PPARGC1A: variants seen among roughly 807,000 people sequenced by gnomAD.
PPARGC1A encodes the protein PPARG coactivator 1 alpha.
In PPARGC1A, 25 loss-of-function variants were observed where a neutral mutation model predicts 88.7. The observed-to-expected ratio is 0.28, with a 90% confidence interval of 0.21 to 0.39. The LOEUF is 0.39. PPARGC1A is among the 10% of genes least tolerant of loss of function. The pLI is 1.00. For missense variants in PPARGC1A, 880 were observed against 968.7 expected, an observed-to-expected ratio of 0.91 and a Z score of 1.22; for synonymous variants, 363 against 355.6, an observed-to-expected ratio of 1.02 and a Z score of -0.24.
chr4:23,894,802 TAAG>T (rs913587626), upstream of PPARGC1A, among the ~76,000 whole-genome samples: 1 of 152,164 alleles, frequency 6.6e-6, no homozygotes, highest in African/African-American at 2.4e-5. Context: ...AGCACAGAGA[TAAG>T]AGATAATAAA....
the PPARGC1A span, among the ~76,000 whole-genome samples, chr4:24,456,067 C>T: frequency 6.6e-6 from 1 of 152,016 alleles, no homozygotes; most frequent in Non-Finnish European, 1.5e-5. Context: ...AGGTATAGTA[C>T]CCAGCATTAG....
At chr4:24,050,241 G>A in the PPARGC1A span, among the ~76,000 whole-genome samples, 138 of 131,678 alleles carry the variant, frequency 1.0e-3, 5 homozygotes, top group East Asian at 0.03. Context: ...TGTCGCCCAG[G>A]CTGGAGTACT....
chr4:24,079,846 C>T, the PPARGC1A span, among the ~76,000 whole-genome samples: 2,664 of 152,092 alleles, frequency 0.018, 28 homozygotes, highest in Non-Finnish European at 0.029. Context: ...TAATTTTGAA[C>T]ACATTTTAAG....
the PPARGC1A span, among the ~76,000 whole-genome samples, chr4:24,387,688 G>A: frequency 1.8e-3 from 276 of 150,338 alleles, 3 homozygotes; most frequent in African/African-American, 6.2e-3. Flanking sequence ...AGTGAGCTGA[G>A]ATCATGCCAC....
At chr4:24,350,065 C>A in the PPARGC1A span, among the ~76,000 whole-genome samples, 13 of 152,342 alleles carry the variant, frequency 8.5e-5, 1 homozygote, top group East Asian at 2.3e-3. Flanking sequence ...AGCAAACAGA[C>A]CTTCAGCTTC....
At chr4:23,845,072 G>C (rs1343068432) in intron 2 of PPARGC1A, among the ~76,000 whole-genome samples, 5 of 151,370 alleles carry the variant, frequency 3.3e-5, no homozygotes, top group African/African-American at 1.2e-4. Context: ...GGAGGGGGGT[G>C]ATAGGCAAAA....
the PPARGC1A span, among the ~76,000 whole-genome samples, chr4:24,430,955 T>TA: frequency 1.4e-4 from 21 of 149,586 alleles, no homozygotes; most frequent in South Asian, 6.3e-4. Flanking sequence ...CTTTCTCTAC[T>TA]AAAAAAAAAT....
the PPARGC1A span, among the ~76,000 whole-genome samples, chr4:23,949,438 T>G: frequency 1.3e-5 from 2 of 151,988 alleles, no homozygotes; most frequent in Admixed American, 1.3e-4. Flanking sequence ...TTCAGCAACA[T>G]CCCCCATATG....
the PPARGC1A span, among the ~76,000 whole-genome samples, chr4:24,371,332 A>T: frequency 6.6e-6 from 1 of 152,206 alleles, no homozygotes; most frequent in African/African-American, 2.4e-5. Flanking sequence ...CATGAAATAC[A>T]CAGACCCTCT....
At chr4:24,406,616 T>C in the PPARGC1A span, among the ~76,000 whole-genome samples, 1 of 152,222 alleles carries the variant, frequency 6.6e-6, no homozygotes. Flanking sequence ...TGTTAAGAAA[T>C]GGCCTTTGTC....
the PPARGC1A span, among the ~76,000 whole-genome samples, chr4:24,169,167 C>A: frequency 6.6e-6 from 1 of 152,006 alleles, no homozygotes; most frequent in Admixed American, 6.6e-5. Flanking sequence ...CCCATCTAAT[C>A]ATGAAAAAAA....
At chr4:24,413,670 T>C in the PPARGC1A span, among the ~76,000 whole-genome samples, 1 of 152,216 alleles carries the variant, frequency 6.6e-6, no homozygotes, top group Non-Finnish European at 1.5e-5. Flanking sequence ...CGTTTGAATC[T>C]GCAATTCCTT....
At chr4:23,826,303 G>A (rs1026173622) in intron 5 of PPARGC1A, among the ~76,000 whole-genome samples, 1 of 152,148 alleles carries the variant, frequency 6.6e-6, no homozygotes, top group Non-Finnish European at 1.5e-5. Flanking sequence ...GGTTTATTGA[G>A]AGTTTAATCC....
chr4:23,794,019 A>T lies in PPARGC1A; in HGVS notation c.*1803T>A, dbSNP rs115134666. 4.4e-3 allele frequency: 670 copies of T among 152,744 alleles called. 2 individuals are homozygous for T. Among genetic ancestry groups the T allele is most frequent in the South Asian group, 0.016 (78 of 4,832 alleles). The allele number at this position is 152,744 out of a possible 1,614,324, so 9.5% of individuals were successfully genotyped here. ...TATACAGGATGCATAACTGTAAAAA[A>T]TACAGATAAATACCATCGTCATACT... On this transcript the variant is annotated 3_prime_UTR_variant, in exon 13 of 13. Coordinates refer to ENST00000264867, the MANE Select transcript of PPARGC1A (RefSeq NM_013261.5).
At chr4:24,377,210 A>G in the PPARGC1A span, among the ~76,000 whole-genome samples, 1 of 152,148 alleles carries the variant, frequency 6.6e-6, no homozygotes, top group Non-Finnish European at 1.5e-5. Context: ...AAAGATTTCT[A>G]GAACAACATT....
chr4:24,182,519 G>A, the PPARGC1A span, among the ~76,000 whole-genome samples: 3 of 152,106 alleles, frequency 2.0e-5, no homozygotes, highest in African/African-American at 7.2e-5. Flanking sequence ...ACCCAGTAAT[G>A]GGATTGCTGG....
the PPARGC1A span, among the ~76,000 whole-genome samples, chr4:24,057,214 C>T: frequency 2.0e-5 from 3 of 152,054 alleles, no homozygotes; most frequent in Admixed American, 6.6e-5. Flanking sequence ...CGATAAATAT[C>T]GTATGATTCC....
At chr4:24,141,259 G>A in the PPARGC1A span, among the ~76,000 whole-genome samples, 4 of 152,248 alleles carry the variant, frequency 2.6e-5, no homozygotes, top group African/African-American at 4.8e-5. Flanking sequence ...CAAGGCCTTG[G>A]CCAAGCGGCC....
upstream of PPARGC1A, among the ~76,000 whole-genome samples, chr4:23,906,259 A>C (rs1720017645): frequency 6.6e-6 from 1 of 151,344 alleles, no homozygotes; most frequent in African/African-American, 2.4e-5. Flanking sequence ...TGAAGATAGC[A>C]ATTCCAAACA....
Sources: allele counts gnomAD v4.1 joint callset (sites outside exome capture counted in the v4.1 genomes callset), GRCh38; gene constraint gnomAD v4.1.1; transcripts MANE v1.5; gene names NCBI Gene and HGNC (gene_info 2026-07-23, HGNC 2026-07-21).